Variants in NPFFR2 observed in about 807,000 individuals in gnomAD.
NPFFR2 encodes G-protein coupled receptor 74.
Under a neutral mutation model 13.1 loss-of-function variants are expected in NPFFR2, and 15 were observed. The observed-to-expected ratio is 1.15, with a 90% confidence interval of 0.77 to 1.76. The LOEUF (loss-of-function observed/expected upper bound fraction) is 1.76. Ranked by LOEUF, NPFFR2 falls within the 40% of genes most tolerant of loss-of-function variation. The pLI is 0.00. For synonymous variants in NPFFR2, 190 were observed against 175.7 expected, an observed-to-expected ratio of 1.08 and a Z score of -0.65; for missense variants, 572 against 503.5, an observed-to-expected ratio of 1.14 and a Z score of -1.30.
At chr4:72,045,280 T>C (rs1719342986) in intron 1 of NPFFR2, among the ~76,000 whole-genome samples, 1 of 152,166 alleles carries the variant, frequency 6.6e-6, no homozygotes, top group Non-Finnish European at 1.5e-5. Flanking sequence ...CTATTTATAG[T>C]TGTTTTTGAG....
At chr4:72,044,380 T>A (rs1422777804) in intron 1 of NPFFR2, among the ~76,000 whole-genome samples, 1 of 152,196 alleles carries the variant, frequency 6.6e-6, no homozygotes. Flanking sequence ...TTTTGTATAT[T>A]GTGAGCAGTA....
At chr4:72,146,884 G>A (rs1006748959) in intron 3 of NPFFR2, 94 bp from the exon 4 acceptor site, 1 of 795,938 alleles carries the variant, frequency 1.3e-6, no homozygotes. Flanking sequence ...GAGACTGTAG[G>A]GTGAGAGGCC....
intron 3 of NPFFR2, among the ~76,000 whole-genome samples, chr4:72,144,476 C>T (rs1367878685): frequency 6.6e-6 from 1 of 152,108 alleles, no homozygotes; most frequent in African/African-American, 2.4e-5. Context: ...TTATTTCTTG[C>T]ACTTGCACTC....
chr4:72,061,052 G>A (rs573046759), intron 1 of NPFFR2, among the ~76,000 whole-genome samples: 119 of 152,200 alleles, frequency 7.8e-4, no homozygotes, highest in African/African-American at 2.7e-3. Context: ...AATATTGGAG[G>A]ATCAAAGATC....
intron 2 of NPFFR2, among the ~76,000 whole-genome samples, chr4:72,130,749 T>C (rs2109836396): frequency 6.6e-6 from 1 of 152,206 alleles, no homozygotes; most frequent in East Asian, 1.9e-4. Context: ...CAGGGCTGTG[T>C]CTAGAGGTTG....
At chr4:72,088,796 C>T (rs1438396890) in intron 1 of NPFFR2, among the ~76,000 whole-genome samples, 1 of 152,048 alleles carries the variant, frequency 6.6e-6, no homozygotes, top group Non-Finnish European at 1.5e-5. Context: ...CAATCACCTT[C>T]CACCAGGCCC....
intron 1 of NPFFR2, among the ~76,000 whole-genome samples, chr4:72,116,668 A>G (rs1352312813): frequency 6.6e-6 from 1 of 152,230 alleles, no homozygotes; most frequent in Non-Finnish European, 1.5e-5. Flanking sequence ...AAACCTATAA[A>G]CAGTTCACTT....
At chr4:72,079,903 GA>G (rs762301140) in intron 1 of NPFFR2, among the ~76,000 whole-genome samples, 161 of 152,178 alleles carry the variant, frequency 1.1e-3, no homozygotes, top group Admixed American at 2.5e-3. Context: ...GTTGAATGAG[GA>G]AAACAGAAAA....
rs550983224 is a variant in NPFFR2, at chr4:72,148,305, A to C, written c.*493A>C. ...TAAGAAATACATTCGATCACATGAA[A>C]TTCTCTGCTGTTGTTTTTCTCATTT... On this transcript the variant is annotated 3_prime_UTR_variant, in exon 4 of 4. Transcript: ENST00000308744. Among the ~76,000 whole-genome samples the C allele has an allele frequency of 6.6e-6, 1 of 152,222 alleles. No homozygotes were observed. Among genetic ancestry groups the C allele is most frequent in the Admixed American group, 6.5e-5 (1 of 15,282 alleles).
intron 1 of NPFFR2, among the ~76,000 whole-genome samples, chr4:72,119,997 C>A (rs1335325364): frequency 6.6e-6 from 1 of 150,852 alleles, no homozygotes; most frequent in Non-Finnish European, 1.5e-5. Flanking sequence ...GTGGTCCCAC[C>A]CCCACGGAGC....
rs1312394843 is a variant in NPFFR2 at position 72,145,671 on chromosome 4, G to A, written c.429-1307G>A. 2.0e-5 allele frequency among the ~76,000 whole-genome samples: 3 copies of A among 152,246 alleles called. No homozygotes were observed. The East Asian group carries it at 5.8e-4, about 29-fold the overall frequency. On this transcript the variant is annotated intron_variant, in intron 3 of 3. Transcript: ENST00000308744. ...AGGAGTTATAAAGAATGACAACAGA[G>A]CAGTCAAAGCCCAGGCTAACTAGTC...
At chr4:72,058,451 T>A (rs4293764) in intron 1 of NPFFR2, among the ~76,000 whole-genome samples, 1 of 151,710 alleles carries the variant, frequency 6.6e-6, no homozygotes, top group Non-Finnish European at 1.5e-5. Flanking sequence ...GGAGTCTGGT[T>A]CCCAAAATTC....
chr4:72,064,664 A>G (rs1444314063), intron 1 of NPFFR2, among the ~76,000 whole-genome samples: 1 of 152,176 alleles, frequency 6.6e-6, no homozygotes, highest in Non-Finnish European at 1.5e-5. Flanking sequence ...AAAGATGGTA[A>G]AAGTAATTCC....
At chr4:72,060,521 C>T (rs1472055687) in intron 1 of NPFFR2, among the ~76,000 whole-genome samples, 1 of 152,034 alleles carries the variant, frequency 6.6e-6, no homozygotes, top group Non-Finnish European at 1.5e-5. Flanking sequence ...ATTCCCTCCT[C>T]AATATTATAA....
At chr4:72,038,694 G>C (rs1719109228) in intron 1 of NPFFR2, among the ~76,000 whole-genome samples, 1 of 151,808 alleles carries the variant, frequency 6.6e-6, no homozygotes, top group African/African-American at 2.4e-5. Flanking sequence ...CTGGATCTGA[G>C]TACTAGGAAA....
chr4:72,078,464 T>G (rs757341080), intron 1 of NPFFR2, among the ~76,000 whole-genome samples: 1 of 152,164 alleles, frequency 6.6e-6, no homozygotes, highest in Non-Finnish European at 1.5e-5. Flanking sequence ...TGGTGCTTTT[T>G]GAAAGAGGAC....
At chr4:72,144,459 C>G (rs1442365821) in intron 3 of NPFFR2, among the ~76,000 whole-genome samples, 1 of 152,064 alleles carries the variant, frequency 6.6e-6, no homozygotes, top group Admixed American at 6.6e-5. Flanking sequence ...TTAAAACTGC[C>G]ACATCTTTAT....
intron 1 of NPFFR2, among the ~76,000 whole-genome samples, chr4:72,120,351 G>T (rs1721832864): frequency 6.6e-6 from 1 of 152,002 alleles, no homozygotes; most frequent in African/African-American, 2.4e-5. Context: ...AAACATTCCT[G>T]CCTGCTGGCT....
At chr4:72,096,582 C>A (rs1721079448) in intron 1 of NPFFR2, among the ~76,000 whole-genome samples, 1 of 152,040 alleles carries the variant, frequency 6.6e-6, no homozygotes, top group African/African-American at 2.4e-5. Context: ...CGAGCATCTA[C>A]TTTTAATATT....
Sources: allele counts gnomAD v4.1 joint callset (sites outside exome capture counted in the v4.1 genomes callset), GRCh38; gene constraint gnomAD v4.1.1; transcripts MANE v1.5; gene names NCBI Gene and HGNC (gene_info 2026-07-23, HGNC 2026-07-21).